The following PCYT1A variants were observed in gnomAD, a reference collection of about 807,000 sequenced individuals.
PCYT1A encodes the protein phosphate cytidylyltransferase 1A, choline, also known as choline-phosphate cytidylyltransferase A.
PCYT1A carries 25 observed loss-of-function variants against 43.7 expected under a neutral mutation model. That is an observed-to-expected ratio of 0.57 (90% CI 0.42 to 0.80). The LOEUF is 0.80. PCYT1A is among the 30% of genes least tolerant of loss of function. The probability of loss-of-function intolerance (pLI) is 0.00; values close to 1 mark genes in which losing one functional copy is unlikely to be tolerated. For missense variants in PCYT1A, 421 were observed against 474.2 expected (o/e 0.89, Z 1.04); for synonymous variants, 172 against 170.7 (o/e 1.01, Z -0.06).
chr3:196,284,886 C>T (rs1725862730), intron 1 of PCYT1A, among the ~76,000 whole-genome samples: 1 of 152,150 alleles, frequency 6.6e-6, no homozygotes, highest in South Asian at 2.1e-4. Context: ...TAGAAGAAAC[C>T]CCTGGGTAGT....
rs1577369366 is a variant in PCYT1A at position 196,266,066 on chromosome 3, T to A, written c.117+4349A>T. Among the ~76,000 whole-genome samples, 3 of 150,336 alleles carry A rather than the reference T, an allele frequency of 2.0e-5. No homozygotes were observed. The South Asian group carries it at 6.3e-4, about 32-fold the overall frequency. On this transcript the variant is annotated intron_variant, in intron 2 of 8. Coordinates refer to ENST00000431016, the MANE Select transcript of PCYT1A (RefSeq NM_001312673.2). ...CAAGTGCCCATTAAAAAAAAATAAA[T>A]AAACTAATGAGCTCTAGGCTATAGA...
chr3:196,238,691 G>A lies in PCYT1A; in HGVS notation c.1101C>T (p.Asp367=). The part of the protein sequence containing the change: ...AAYDISEDEE[D] ...ACAGGAAAGGAGGGAGGAAACATTAGTCTTCTTCATCCTCACTGATATCAT... is the reference window on the plus strand; with the variant it reads ...ACAGGAAAGGAGGGAGGAAACATTAATCTTCTTCATCCTCACTGATATCAT... The change falls in exon 9 of 9, where the codon GAC becomes GAT. Residue 367 remains aspartate (D), a synonymous_variant. Coordinates refer to ENST00000431016, the MANE Select transcript of PCYT1A (RefSeq NM_001312673.2). 6.6e-7 allele frequency: 1 copy of A among 1,523,498 alleles called. No homozygotes were observed. The highest frequency in any genetic ancestry group is 8.8e-7 in the Non-Finnish European group (1 of 1,132,812). The allele number at this position is 1,523,498 out of a possible 1,614,324, so 94.4% of individuals were successfully genotyped here. A position where few individuals can be genotyped will look rare whatever the true frequency, so the allele number is the denominator to read the frequency against.
rs899686287 is a variant in PCYT1A at position 196,258,016 on chromosome 3, G to C, written c.118-129C>G. 4.0e-5 allele frequency: 23 copies of C among 569,296 alleles called. No homozygotes were observed. In the East Asian group the frequency reaches 6.6e-4, roughly 16 times the overall value. 35.3% of individuals were successfully genotyped at this position (569,296 alleles called of 1,614,324 possible). ...TAGATGGCTTCGTTTAAGAGATTTC[G>C]TTATTCCCGCCTGTAATCCCAGCAC... On this transcript the variant is annotated intron_variant, in intron 2 of 8. Transcript: ENST00000431016.
rs540226778 is a variant in PCYT1A at position 196,248,268 on chromosome 3, A to C, written c.273T>G (p.Gly91=). Residue 91 remains glycine, a synonymous_variant, in exon 4 of 9, where the codon GGT becomes GGG. Coordinates refer to ENST00000431016, the MANE Select transcript of PCYT1A (RefSeq NM_001312673.2). ...TCGCTTGCATCAGAGCTCGGGCGTG[A>C]CCAGAGTGAAATAAGTCAAATATTC... The part of the protein sequence containing the change: ...ADGIFDLFHS[G]HARALMQAKN... 6.2e-6 allele frequency: 10 copies of C among 1,613,744 alleles called. No individual in the cohort carries two copies. In the Admixed American group the frequency reaches 1.2e-4, roughly 19 times the overall value.
intron 3 of PCYT1A, among the ~76,000 whole-genome samples, chr3:196,254,078 G>A (rs1196433267): frequency 2.0e-5 from 3 of 150,230 alleles, no homozygotes; most frequent in Non-Finnish European, 4.4e-5. Context: ...CCAGGCTAGA[G>A]TGCAGTGACG....
At chr3:196,245,364 T>A (rs1397216594) in intron 5 of PCYT1A, among the ~76,000 whole-genome samples, 2 of 152,150 alleles carry the variant, frequency 1.3e-5, no homozygotes, top group African/African-American at 2.4e-5. Context: ...GGTCACGAAC[T>A]CCTGACCTCA....
chr3:196,241,928 G>A lies in PCYT1A; in HGVS notation c.708+20C>T. ...GTCTCCTACAGAGTCAGGGAACTCT[G>A]GGGTAAGGCTGGAACTCACGTTGAT... On this transcript the variant is annotated intron_variant, in intron 7 of 8. Transcript: ENST00000431016. The A allele has an allele frequency of 1.2e-6, 2 of 1,613,916 alleles. No homozygotes were observed. Among genetic ancestry groups the A allele is most frequent in the Non-Finnish European group, 1.7e-6 (2 of 1,179,788 alleles).
rs1724383944 is a variant in PCYT1A at position 196,242,342 on chromosome 3, T to G, written c.565+220A>C. 5 of 673,610 alleles carry G rather than the reference T, an allele frequency of 7.4e-6. No homozygotes were observed. The highest frequency in any genetic ancestry group is 1.4e-5 in the Non-Finnish European group (5 of 370,192). 41.7% of individuals were successfully genotyped at this position (673,610 alleles called of 1,614,324 possible). On this transcript the variant is annotated intron_variant, in intron 6 of 8. Transcript: ENST00000431016. The surrounding 1 kb of genome is among the most constrained non-coding windows in gnomAD (Gnocchi z 4.2). ...AAGGGTTTCCTGAAATTAAGAGAGA[T>G]ATCCAAAGTAGATGTTTAGACCAAG...
At position 196,238,604 on chromosome 3, in the gene PCYT1A, G is replaced by A; in HGVS notation, c.*84C>T. On this transcript the variant is annotated 3_prime_UTR_variant, in exon 9 of 9. Coordinates refer to ENST00000431016, the MANE Select transcript of PCYT1A (RefSeq NM_001312673.2). ...CTTTGTAGCTGTCCTTAGGTTTAGT[G>A]TTGGGGTCACAATTTGGAATTCAAC... 1.1e-6 allele frequency: 1 copy of A among 946,180 alleles called. No homozygotes were observed. Among genetic ancestry groups the A allele is most frequent in the Admixed American group, 2.9e-5 (1 of 35,036 alleles). The allele number at this position is 946,180 out of a possible 1,614,324, so 58.6% of individuals were successfully genotyped here.
chr3:196,242,471 T>C lies in PCYT1A; in HGVS notation c.565+91A>G, dbSNP rs1724388401. ...CTGAAAGAGGATGTTGAATTTCTAA[T>C]GTACACATTTTCCTCTGTAAAGCAG... On this transcript the variant is annotated intron_variant, in intron 6 of 8. Coordinates refer to ENST00000431016, the MANE Select transcript of PCYT1A (RefSeq NM_001312673.2). This position sits in a 1 kb window ranked among gnomAD's most constrained non-coding sequence, Gnocchi z 4.2. The C allele has an allele frequency of 6.9e-6, 6 of 874,408 alleles. No homozygotes were observed. Among genetic ancestry groups the C allele is most frequent in the Non-Finnish European group, 1.2e-5 (6 of 505,446 alleles). 54.2% of individuals were successfully genotyped at this position (874,408 alleles called of 1,614,324 possible).
chr3:196,244,303 C>T (rs1231702288), intron 5 of PCYT1A, among the ~76,000 whole-genome samples: 19 of 148,338 alleles, frequency 1.3e-4, no homozygotes, highest in African/African-American at 4.5e-4. Context: ...TGCCCGGCTG[C>T]CCAGTCTGGG....
intron 1 of PCYT1A, among the ~76,000 whole-genome samples, chr3:196,272,564 C>A (rs1725464469): frequency 6.6e-6 from 1 of 152,186 alleles, no homozygotes; most frequent in Admixed American, 6.5e-5. Context: ...GGTGATCCAC[C>A]CACCTCGACC....
intron 2 of PCYT1A, among the ~76,000 whole-genome samples, chr3:196,269,294 C>T (rs1471667997): frequency 6.6e-6 from 1 of 152,184 alleles, no homozygotes; most frequent in Non-Finnish European, 1.5e-5. Flanking sequence ...CAAGACAGAG[C>T]ATTCATTTGG....
chr3:196,245,638 T>G (rs1338511931), intron 5 of PCYT1A, among the ~76,000 whole-genome samples: 1 of 152,074 alleles, frequency 6.6e-6, no homozygotes, highest in Non-Finnish European at 1.5e-5. Context: ...TGGGACTATG[T>G]CAGAGACTCT....
In PCYT1A at chr3:196,287,646, G is replaced by C. The variant is rs1246214146; in HGVS notation, c.-42C>G. The C allele has an allele frequency of 1.3e-5, 2 of 152,210 alleles. No individual in the cohort carries two copies. The highest frequency in any genetic ancestry group is 2.9e-5 in the Non-Finnish European group (2 of 68,088). The allele number at this position is 152,210 out of a possible 1,614,324, so 9.4% of individuals were successfully genotyped here. On this transcript the variant is annotated 5_prime_UTR_variant, in exon 1 of 9. Transcript: ENST00000431016. ...CTCACGCTCCCCCGAGCCCGGTCCG[G>C]TCGGATTTCTGGCCGGCGCCGCGTC...
chr3:196,274,230 A>G (rs903599980), intron 1 of PCYT1A, among the ~76,000 whole-genome samples: 1 of 152,182 alleles, frequency 6.6e-6, no homozygotes, highest in Admixed American at 6.5e-5. Flanking sequence ...CTGGGCCCCC[A>G]AAAGCACAGG....
At chr3:196,241,797 T>C (rs1411064546) in intron 7 of PCYT1A, 151 bp downstream of exon 7, 1 of 1,210,850 alleles carries the variant, frequency 8.3e-7, no homozygotes, top group South Asian at 1.3e-5. Context: ...TTTCATTCTT[T>C]TTGTGAACAG....
At position 196,282,064 on chromosome 3, in the gene PCYT1A, A is replaced by G. The variant is rs774623201; in HGVS notation, c.-11+5551T>C. On this transcript the variant is annotated intron_variant, in intron 1 of 8. Transcript: ENST00000431016. This position sits in a 1 kb window ranked among gnomAD's most constrained non-coding sequence, Gnocchi z 4.3. ...CAGATTAGTTCTAAACTAAAGTTCA[A>G]CGTTACTTGTCATGAGCCCTATAAA... is the stretch of plus-strand genomic sequence containing the variant. Among the ~76,000 whole-genome samples, 6 of 152,212 alleles carry G rather than the reference A, an allele frequency of 3.9e-5. No individual in the cohort carries two copies. The highest frequency in any genetic ancestry group is 7.2e-5 in the African/African-American group (3 of 41,456).
intron 1 of PCYT1A, among the ~76,000 whole-genome samples, chr3:196,280,853 G>A (rs946336324): frequency 1.3e-5 from 2 of 152,000 alleles, no homozygotes; most frequent in Non-Finnish European, 2.9e-5. Flanking sequence ...TTTTCTGACC[G>A]TGGCTGACTG....
Sources: gnomAD v4.1 joint callset for allele counts (sites outside exome capture counted in the v4.1 genomes callset) on GRCh38, gnomAD v4.1.1 for gene constraint, Gnocchi (gnomAD v3.1) non-coding constraint, MANE v1.5 for transcripts, NCBI Gene and HGNC (gene_info 2026-07-23, HGNC 2026-07-21) for gene names.